The following BARD1 variants were observed in gnomAD, a reference collection of about 807,000 sequenced individuals.
The protein encoded by BARD1 is BRCA1 associated RING domain 1.
Under a neutral mutation model 77.0 loss-of-function variants are expected in BARD1, and 73 were observed. That is an observed-to-expected ratio of 0.95 (90% confidence interval 0.79 to 1.15). The LOEUF (loss-of-function observed/expected upper bound fraction) is 1.15, where lower values mean the gene tolerates loss of function less well. BARD1 is among the 50% of genes most tolerant of loss of function. The pLI, the probability that BARD1 is intolerant of heterozygous loss-of-function variation, is 0.00. For missense variants in BARD1, 993 were observed against 938.8 expected (o/e 1.06, Z -0.75); for synonymous variants, 384 against 338.0 (o/e 1.14, Z -1.49).
chr2:214,805,238 T>C lies in BARD1; in HGVS notation c.158+4174A>G, dbSNP rs914004698. Among the ~76,000 whole-genome samples the C allele has an allele frequency of 1.7e-4, 26 of 152,338 alleles. 1 individual carries two copies. The highest frequency in any genetic ancestry group is 1.3e-3 in the Admixed American group (20 of 15,304). On this transcript the variant is annotated intron_variant, in intron 1 of 10. Transcript: ENST00000260947. ...TCCACTGGCCCTACCCAAGTACTCT[T>C]CTCAGCACTATGTCGACCTGCACGA...
At chr2:214,755,384 A>G (rs1274067284) in intron 6 of BARD1, among the ~76,000 whole-genome samples, 1 of 152,210 alleles carries the variant, frequency 6.6e-6, no homozygotes, top group African/African-American at 2.4e-5. Flanking sequence ...TAAATATAGT[A>G]AATTCTCTCT....
chr2:214,807,914 A>T (rs953354299), intron 1 of BARD1, among the ~76,000 whole-genome samples: 1 of 152,268 alleles, frequency 6.6e-6, no homozygotes, highest in Admixed American at 6.5e-5. Context: ...TGCAACTAGC[A>T]GTGCCAGTTT....
At chr2:214,738,481 T>C (rs1692664079) in intron 9 of BARD1, among the ~76,000 whole-genome samples, 2 of 152,122 alleles carry the variant, frequency 1.3e-5, no homozygotes, top group African/African-American at 2.4e-5. Flanking sequence ...GTACAGAAGG[T>C]ATTTTTTTAT....
intron 6 of BARD1, among the ~76,000 whole-genome samples, chr2:214,762,722 T>TATAC (rs1694018183): frequency 6.6e-6 from 1 of 152,214 alleles, no homozygotes. Flanking sequence ...ATCCACTGTA[T>TATAC]ATACTTACCA....
At chr2:214,773,810 G>A (rs1164867932) in intron 4 of BARD1, among the ~76,000 whole-genome samples, 1 of 152,138 alleles carries the variant, frequency 6.6e-6, no homozygotes. Flanking sequence ...AATGAAGTAT[G>A]CCACATCCAC....
In BARD1 at chr2:214,780,901, G is replaced by C. The variant is rs1358719583; in HGVS notation, c.973C>G (p.His325Asp). The change falls in exon 4 of 11, where the codon CAC becomes GAC. Residue 325 changes from histidine to aspartate, a missense_variant. Transcript: ENST00000260947. ...PLENNGKRGH[H>D]NRLSSPISKR... ...GAAATGGGACTGGAAAGTCTATTGT[G>C]ATGGCCACGTTTTCCATTATTTTCT... 1 of 1,614,090 alleles carries C rather than the reference G, an allele frequency of 6.2e-7. No individual in the cohort carries two copies. The highest frequency in any genetic ancestry group is 1.7e-5 in the Admixed American group (1 of 60,008).
intron 1 of BARD1, among the ~76,000 whole-genome samples, chr2:214,799,804 T>TCTTAA (rs1695933944): frequency 6.6e-6 from 1 of 152,158 alleles, no homozygotes; most frequent in Admixed American, 6.5e-5. Context: ...GAGTGCTCCA[T>TCTTAA]ACCAGCTACT....
At chr2:214,766,799 C>A (rs994736367) in intron 6 of BARD1, among the ~76,000 whole-genome samples, 1 of 151,964 alleles carries the variant, frequency 6.6e-6, no homozygotes, top group African/African-American at 2.4e-5. Context: ...TACTTATTAT[C>A]GTAGTGTTAT....
rs765487816 is a variant in BARD1, at chr2:214,730,488, T to G, written c.1924A>C (p.Arg642=). The G allele has an allele frequency of 6.2e-7, 1 of 1,613,996 alleles. No homozygotes were observed. Among genetic ancestry groups the G allele is most frequent in the Non-Finnish European group, 8.5e-7 (1 of 1,179,978 alleles). The stretch of plus-strand genomic sequence containing the variant: ...TTTTCTTCCTGTTCACATACTTTTC[T>G]TCGTAGACATGCTTTTACCCCTGAC... ...KFEWVKACLR[R]KVCEQEEKYE... The change falls in exon 10 of 11, where the codon AGA becomes CGA. Residue 642 remains arginine (R), a synonymous_variant. Transcript: ENST00000260947.
chr2:214,794,822 C>A (rs2106141092), intron 2 of BARD1, among the ~76,000 whole-genome samples: 1 of 152,280 alleles, frequency 6.6e-6, no homozygotes, highest in South Asian at 2.1e-4. Flanking sequence ...AAACAGCTAC[C>A]ATAATTTTTG....
intron 7 of BARD1, among the ~76,000 whole-genome samples, chr2:214,750,918 G>A (rs544090789): frequency 1.3e-5 from 2 of 151,884 alleles, no homozygotes; most frequent in East Asian, 3.9e-4. Flanking sequence ...TTAAGCAAAT[G>A]CAGAGCTATC....
chr2:214,804,942 C>T (rs532418314), intron 1 of BARD1, among the ~76,000 whole-genome samples: 53 of 152,292 alleles, frequency 3.5e-4, no homozygotes, highest in Non-Finnish European at 6.3e-4. Context: ...AAGTGCGGAT[C>T]ACAAGGTCAG....
rs1292875019 is a variant in BARD1, at chr2:214,767,692, T to G, written c.1396-38A>C. The G allele has an allele frequency of 5.7e-6, 9 of 1,566,030 alleles. No homozygotes were observed. The African/African-American group carries it at 1.2e-4, about 21-fold the overall frequency. ...TTTGAAAAAGAAGTGAAAGAAGTGA[T>G]AAGAAAGAGCAATGGATGATATTAT... On this transcript the variant is annotated intron_variant, in intron 5 of 10. Transcript: ENST00000260947.
chr2:214,773,575 T>C (rs1310934479), intron 4 of BARD1, among the ~76,000 whole-genome samples: 3 of 152,176 alleles, frequency 2.0e-5, no homozygotes, highest in Non-Finnish European at 4.4e-5. Flanking sequence ...TCCCAGCACA[T>C]ATAAAAGTTA....
intron 1 of BARD1, among the ~76,000 whole-genome samples, chr2:214,802,307 T>C (rs944687119): frequency 4.6e-5 from 7 of 152,178 alleles, no homozygotes; most frequent in Non-Finnish European, 1.0e-4. Flanking sequence ...TATTATAAAA[T>C]AGGCTTTGTG....
intron 1 of BARD1, 26 bp downstream of exon 1, chr2:214,809,386 C>A: frequency 6.2e-7 from 1 of 1,611,712 alleles, no homozygotes. Flanking sequence ...GCCCTCGCAG[C>A]CACCCCCAAG....
At chr2:214,764,326 G>A (rs1003252632) in intron 6 of BARD1, among the ~76,000 whole-genome samples, 6 of 152,164 alleles carry the variant, frequency 3.9e-5, no homozygotes, top group Non-Finnish European at 8.8e-5. Context: ...ACAGCCTCAC[G>A]AGAAGGGAGG....
At chr2:214,737,191 G>A (rs762707528) in intron 9 of BARD1, among the ~76,000 whole-genome samples, 60 of 152,096 alleles carry the variant, frequency 3.9e-4, no homozygotes, top group Non-Finnish European at 7.5e-4. Context: ...AGGAAGCTAT[G>A]GAGACTGTAA....
intron 9 of BARD1, among the ~76,000 whole-genome samples, chr2:214,732,704 T>G (rs1297963308): frequency 6.6e-6 from 1 of 152,186 alleles, no homozygotes; most frequent in African/African-American, 2.4e-5. Flanking sequence ...TGACCTATAA[T>G]GATTATCTTG....
Sources: gnomAD v4.1 joint callset for allele counts (sites outside exome capture counted in the v4.1 genomes callset) on GRCh38, gnomAD v4.1.1 for gene constraint, MANE v1.5 for transcripts, NCBI Gene and HGNC (gene_info 2026-07-23, HGNC 2026-07-21) for gene names.